The following RTL9 variants were observed in gnomAD, a reference collection of about 807,000 sequenced individuals.
RTL9 encodes the protein retrotransposon Gag like 9.
A neutral mutation model predicts 44.7 loss-of-function variants in RTL9; 19 were observed. The ratio of observed to expected loss-of-function variants is 0.42; its 90% CI spans 0.30 to 0.62. The LOEUF (loss-of-function observed/expected upper bound fraction) is 0.62, where lower values mean the gene tolerates loss of function less well. RTL9 is among the 20% of genes least tolerant of loss of function. The probability of loss-of-function intolerance (pLI) is 0.16; values close to 1 mark genes in which losing one functional copy is unlikely to be tolerated. For missense variants in RTL9, 1,105 were observed against 1,080.6 expected (o/e 1.02, Z -0.32); for synonymous variants, 407 against 398.9 (o/e 1.02, Z -0.24).
intron 1 of RTL9, among the ~76,000 whole-genome samples, chrX:110,372,072 C>T (rs1457497806): frequency 1.8e-5 from 2 of 111,462 alleles, no homozygotes; most frequent in African/African-American, 6.5e-5. Context: ...AGATATCACT[C>T]CCTTTGAGAA....
chrX:110,451,837 A>G, exon 1 of RTL9: 2 of 1,210,116 alleles, frequency 1.7e-6, no homozygotes, highest in Non-Finnish European at 2.2e-6. Context: ...AGAGCTTTAG[A>G]TTCTGGAGCA....
At chrX:110,409,965 C>G in intron 1 of RTL9, among the ~76,000 whole-genome samples, 1 of 112,049 alleles carries the variant, frequency 8.9e-6, no homozygotes. Context: ...AATACAGATG[C>G]AGTGTGGCTC....
intron 1 of RTL9, among the ~76,000 whole-genome samples, chrX:110,382,872 T>C (rs2068429986): frequency 8.9e-6 from 1 of 111,877 alleles, no homozygotes; most frequent in Non-Finnish European, 1.9e-5. Context: ...CTCCCTCTAA[T>C]TGAGGCTTAG....
rs144326220 is a variant in RTL9 at position 110,377,102 on chromosome X, C to T, written c.-168+18186C>T. ...AATAAACTCTCCAGGAGAACAGGGC[C>T]CTCAAGCTTTTCCCCTAGCCTTGAA... On this transcript the variant is annotated intron_variant, in intron 1 of 2. Transcript: ENST00000520821. Among the ~76,000 whole-genome samples the T allele has an allele frequency of 7.4e-3, 827 of 111,389 alleles. 8 individuals are homozygous for T. Among genetic ancestry groups the T allele is most frequent in the African/African-American group, 0.026 (796 of 30,590 alleles).
chrX:110,407,773 C>T (rs1352608841), intron 1 of RTL9, among the ~76,000 whole-genome samples: 1 of 112,262 alleles, frequency 8.9e-6, no homozygotes, highest in East Asian at 2.8e-4. Flanking sequence ...TAGAAGAGGG[C>T]CCTAACAGAA....
chrX:110,417,474 A>G (rs759957373), upstream of RTL9, among the ~76,000 whole-genome samples: 22 of 109,858 alleles, frequency 2.0e-4, no homozygotes, highest in Non-Finnish European at 3.9e-4. Flanking sequence ...GCAGACGCAA[A>G]TGAGCATTTT....
intron 1 of RTL9, among the ~76,000 whole-genome samples, chrX:110,369,310 C>T (rs1023413455): frequency 1.4e-4 from 15 of 109,490 alleles, no homozygotes; most frequent in African/African-American, 5.0e-4. Flanking sequence ...ACAGCCTGGG[C>T]GACAGAGCAA....
chrX:110,418,459 A>G (rs1239274157), upstream of RTL9, among the ~76,000 whole-genome samples: 1 of 112,209 alleles, frequency 8.9e-6, no homozygotes, highest in Non-Finnish European at 1.9e-5. Context: ...ACACACAATC[A>G]GGAAAAGCAG....
At chrX:110,454,381 A>G (rs759177042) in exon 1 of RTL9, 2 of 1,212,103 alleles carry the variant, frequency 1.7e-6, no homozygotes, top group South Asian at 3.5e-5. Context: ...TATGCCACTG[A>G]CTTCCTGCTG....
At chrX:110,394,404 A>G (rs771329314) in intron 1 of RTL9, among the ~76,000 whole-genome samples, 43 of 111,466 alleles carry the variant, frequency 3.9e-4, no homozygotes, top group Non-Finnish European at 7.2e-4. Context: ...GACGTGTGCC[A>G]CCATGCCTGG....
At chrX:110,414,196 A>G (rs1301015173), upstream of RTL9, among the ~76,000 whole-genome samples, 1 of 112,561 alleles carries the variant, frequency 8.9e-6, no homozygotes, top group Admixed American at 9.3e-5. Flanking sequence ...AGAAAATCCC[A>G]TCACTTTGTT....
At chrX:110,413,821 C>CATG (rs1340644135) in intron 1 of RTL9, among the ~76,000 whole-genome samples, 3 of 111,242 alleles carry the variant, frequency 2.7e-5, no homozygotes, top group Non-Finnish European at 3.8e-5. Flanking sequence ...CATCCTGGAA[C>CATG]ATGATGATGA....
chrX:110,447,064 A>G (rs551720940), upstream of RTL9, among the ~76,000 whole-genome samples: 1 of 102,509 alleles, frequency 9.8e-6, no homozygotes, highest in Admixed American at 1.0e-4. Context: ...AATAATAATA[A>G]TAGTAGTTGT....
chrX:110,409,674 A>T (rs1177642582), intron 1 of RTL9, among the ~76,000 whole-genome samples: 3 of 106,138 alleles, frequency 2.8e-5, no homozygotes, highest in African/African-American at 1.1e-4. Flanking sequence ...CCCTGATCCC[A>T]TCAATAATAC....
chrX:110,431,698 CT>C (rs997118081), intron 1 of RTL9, among the ~76,000 whole-genome samples: 5 of 111,852 alleles, frequency 4.5e-5, no homozygotes, highest in Non-Finnish European at 9.4e-5. Flanking sequence ...TTCATTGCCC[CT>C]GTCCTGCTGG....
At chrX:110,426,702 T>G (rs2068756962) in intron 1 of RTL9, 1 of 111,681 alleles carries the variant, frequency 9.0e-6, no homozygotes, top group South Asian at 3.8e-4. Context: ...GGAGCTCGGG[T>G]GGGTGGCCAT....
At chrX:110,363,956 G>A (rs1012138759) in intron 1 of RTL9, among the ~76,000 whole-genome samples, 2 of 112,109 alleles carry the variant, frequency 1.8e-5, no homozygotes, top group African/African-American at 6.5e-5. Flanking sequence ...AAAACGGAAT[G>A]AGTGGTATAT....
At chrX:110,360,927 T>C (rs1276883834) in intron 1 of RTL9, among the ~76,000 whole-genome samples, 1 of 111,689 alleles carries the variant, frequency 9.0e-6, no homozygotes, top group Non-Finnish European at 1.9e-5. Flanking sequence ...AAGCCTAAGA[T>C]ATCTTCTGTC....
rs761488430 is a variant in RTL9 at position 110,365,544 on chromosome X, CATA to C, written c.-168+6633_-168+6635del. 6.1e-3 allele frequency among the ~76,000 whole-genome samples: 679 copies of C among 111,955 alleles called. 8 individuals are homozygous for C. Among genetic ancestry groups the C allele is most frequent in the African/African-American group, 0.021 (661 of 30,774 alleles). Reference sequence around the variant, plus strand: ...AATCCTGCTCTCCTGAGACAATTTACATAATAACTTTTGGGGAGAATGCAATAA... The same window carrying C: ...AATCCTGCTCTCCTGAGACAATTTACATAACTTTTGGGGAGAATGCAATAA... On this transcript the variant is annotated intron_variant, in intron 1 of 2. Coordinates refer to the RTL9 transcript ENST00000520821.
Sources: gnomAD v4.1 joint callset for allele counts (sites outside exome capture counted in the v4.1 genomes callset) on GRCh38, gnomAD v4.1.1 for gene constraint, MANE v1.5 for transcripts, NCBI Gene and HGNC (gene_info 2026-07-23, HGNC 2026-07-21) for gene names.